Variants in DOCK4 observed in about 807,000 individuals in gnomAD.
The protein encoded by DOCK4 is dedicator of cytokinesis protein 4.
In DOCK4, 97 loss-of-function variants were observed where a neutral mutation model predicts 268.1. The ratio of observed to expected loss-of-function variants is 0.36; its 90% confidence interval spans 0.31 to 0.43. The LOEUF is 0.43. Ranked by LOEUF, DOCK4 falls within the 20% of genes least tolerant of loss-of-function variation. The pLI is 1.00. For synonymous variants in DOCK4, 954 were observed against 887.2 expected, an observed-to-expected ratio of 1.08 and a Z score of -1.34; for missense variants, 2,145 against 2,455.7, an observed-to-expected ratio of 0.87 and a Z score of 2.67.
chr7:111,734,646 T>C (rs1423151598), intron 51 of DOCK4, among the ~76,000 whole-genome samples: 1 of 152,200 alleles, frequency 6.6e-6, no homozygotes, highest in Non-Finnish European at 1.5e-5. Flanking sequence ...TGTTAGTCAA[T>C]GGCTATTTAG....
In DOCK4 at chr7:112,174,165, C is replaced by T. The variant is rs574974310; in HGVS notation, c.37+31937G>A. 4.1e-4 allele frequency among the ~76,000 whole-genome samples: 62 copies of T among 152,228 alleles called. 1 individual carries two copies. The South Asian group carries it at 0.012, about 29-fold the overall frequency. ...AGCTGCGGACCTTCAACTCTTTGGT[C>T]GGCTGTGAGAGTCTGTGGTATCCCA... On this transcript the variant is annotated intron_variant, in intron 1 of 52. Transcript: ENST00000428084.
intron 32 of DOCK4, chr7:111,784,549 A>C (rs1563500234): frequency 3.2e-5 from 14 of 443,736 alleles, no homozygotes; most frequent in Non-Finnish European, 5.0e-5. Flanking sequence ...AGTTTCATTC[A>C]TTTTGTCACT....
At chr7:111,807,473 CTT>C (rs111659073) in intron 30 of DOCK4, 3,520 of 140,132 alleles carry the variant, frequency 0.025, 127 homozygotes, top group African/African-American at 0.085. Flanking sequence ...GATGATAACT[CTT>C]TTTTTTTTTT....
At chr7:111,827,077 G>A (rs1338555217) in intron 26 of DOCK4, among the ~76,000 whole-genome samples, 1 of 151,908 alleles carries the variant, frequency 6.6e-6, no homozygotes, top group Non-Finnish European at 1.5e-5. Flanking sequence ...CAATGAATAG[G>A]ACAGACCCTC....
At position 112,178,160 on chromosome 7, in the gene DOCK4, G is replaced by A. The variant is rs144757938; in HGVS notation, c.37+27942C>T. 8.0e-3 allele frequency among the ~76,000 whole-genome samples: 1,223 copies of A among 152,324 alleles called. 4 individuals carry two copies. The highest frequency in any genetic ancestry group is 0.012 in the Non-Finnish European group (818 of 68,036). The stretch of plus-strand genomic sequence containing the variant: ...TCATTTTCCTTCATCACAGTTACAG[G>A]TGAAATGCAATGTCCTGTGACAGCA... On this transcript the variant is annotated intron_variant, in intron 1 of 52. Transcript: ENST00000428084.
intron 23 of DOCK4, among the ~76,000 whole-genome samples, chr7:111,855,037 C>T (rs1804886129): frequency 6.6e-6 from 1 of 152,182 alleles, no homozygotes; most frequent in African/African-American, 2.4e-5. Flanking sequence ...TGGGAATTAA[C>T]TCTGTTGGGC....
intron 36 of DOCK4, among the ~76,000 whole-genome samples, chr7:111,777,573 G>A (rs1355495709): frequency 6.6e-6 from 1 of 152,182 alleles, no homozygotes; most frequent in East Asian, 1.9e-4. Flanking sequence ...AACATACAGT[G>A]GGGAGGATAA....
intron 1 of DOCK4, among the ~76,000 whole-genome samples, chr7:112,012,490 A>T (rs1304230597): frequency 2.0e-5 from 3 of 152,242 alleles, no homozygotes; most frequent in African/African-American, 7.2e-5. Context: ...TATTTGTGCA[A>T]GGGACGATAG....
intron 1 of DOCK4, among the ~76,000 whole-genome samples, chr7:112,138,785 GC>G (rs1315132843): frequency 6.6e-6 from 1 of 152,106 alleles, no homozygotes; most frequent in African/African-American, 2.4e-5. Context: ...TGAGGGTGGG[GC>G]CCCGTTAATG....
intron 1 of DOCK4, among the ~76,000 whole-genome samples, chr7:112,006,934 C>T (rs1416676428): frequency 6.6e-6 from 1 of 152,220 alleles, no homozygotes; most frequent in Non-Finnish European, 1.5e-5. Flanking sequence ...CTCAGCCACA[C>T]ACAAATTCTC....
intron 8 of DOCK4, among the ~76,000 whole-genome samples, chr7:111,958,135 T>G (rs770434301): frequency 6.6e-6 from 1 of 152,146 alleles, no homozygotes; most frequent in East Asian, 1.9e-4. Context: ...AATAGCATGA[T>G]CTCTTAATGC....
intron 3 of DOCK4, among the ~76,000 whole-genome samples, chr7:112,000,086 G>A (rs1400210249): frequency 4.6e-5 from 7 of 151,932 alleles, no homozygotes; most frequent in East Asian, 1.9e-4. Context: ...TTAACATGCC[G>A]CTAAGTATAC....
chr7:111,790,361 T>C, intron 31 of DOCK4, 96 bp downstream of exon 31: 1 of 1,452,368 alleles, frequency 6.9e-7, no homozygotes, highest in Non-Finnish European at 9.3e-7. Flanking sequence ...GCTGACCCAG[T>C]GTTCATTTCC....
intron 23 of DOCK4, among the ~76,000 whole-genome samples, chr7:111,861,449 T>A (rs1805507651): frequency 6.6e-6 from 1 of 151,980 alleles, no homozygotes; most frequent in East Asian, 1.9e-4. Flanking sequence ...TGGAAAAATA[T>A]AAAAGTATAA....
chr7:112,170,176 G>A (rs775686739), intron 1 of DOCK4, among the ~76,000 whole-genome samples: 2 of 151,922 alleles, frequency 1.3e-5, no homozygotes, highest in African/African-American at 2.4e-5. Flanking sequence ...ATATGTGGTC[G>A]GGCACAGTGA....
At chr7:112,089,425 A>T (rs1012806) in intron 1 of DOCK4, among the ~76,000 whole-genome samples, 75,331 of 152,022 alleles carry the variant, frequency 0.5, 20,636 homozygotes, top group African/African-American at 0.75. Context: ...CCCATCCATT[A>T]TTCAATTTTT....
chr7:111,942,408 G>A (rs1179065582), intron 10 of DOCK4, among the ~76,000 whole-genome samples: 4 of 152,134 alleles, frequency 2.6e-5, no homozygotes, highest in Non-Finnish European at 5.9e-5. Context: ...GTTAAATATA[G>A]TGAACGCCAA....
intron 39 of DOCK4, among the ~76,000 whole-genome samples, chr7:111,761,719 G>C (rs943896655): frequency 2.6e-5 from 4 of 152,134 alleles, no homozygotes; most frequent in African/African-American, 9.7e-5. Context: ...CAGGCAGGTA[G>C]AGGAAATACA....
intron 1 of DOCK4, among the ~76,000 whole-genome samples, chr7:112,038,923 C>T (rs1033525211): frequency 6.6e-6 from 1 of 152,124 alleles, no homozygotes; most frequent in Non-Finnish European, 1.5e-5. Context: ...ATCTTCTAGG[C>T]CTAGGAAATG....
Sources: allele counts gnomAD v4.1 joint callset (sites outside exome capture counted in the v4.1 genomes callset), GRCh38; gene constraint gnomAD v4.1.1; transcripts MANE v1.5; gene names NCBI Gene and HGNC (gene_info 2026-07-23, HGNC 2026-07-21).